Variants in ABLIM3 observed in about 807,000 individuals in gnomAD.
ABLIM3 encodes the protein actin binding LIM protein family member 3, also known as actin-binding LIM protein 3.
Under a neutral mutation model 109.5 loss-of-function variants are expected in ABLIM3, and 61 were observed. That is an observed-to-expected ratio of 0.56 (90% CI 0.45 to 0.69). The LOEUF is 0.69. Ranked by LOEUF, ABLIM3 falls within the 30% of genes least tolerant of loss-of-function variation. The pLI, the probability that ABLIM3 is intolerant of heterozygous loss-of-function variation, is 0.00. For missense variants in ABLIM3, 796 were observed against 889.5 expected, an observed-to-expected ratio of 0.89 and a Z score of 1.34; for synonymous variants, 300 against 324.8, an observed-to-expected ratio of 0.92 and a Z score of 0.82.
rs926042578 is a variant in ABLIM3 at position 149,207,407 on chromosome 5, C to T, written c.575+273C>T. Reference sequence around the variant, plus strand: ...CGGTCCCCATGCCTTCCCCTCCGGCCGTCTCTCATTTACTGCCCCGTTTTG... The same window carrying T: ...CGGTCCCCATGCCTTCCCCTCCGGCTGTCTCTCATTTACTGCCCCGTTTTG... On this transcript the variant is annotated intron_variant, in intron 6 of 23. Coordinates refer to ENST00000309868, the MANE Select transcript of ABLIM3 (RefSeq NM_014945.5). Among the ~76,000 whole-genome samples the T allele has an allele frequency of 2.6e-5, 4 of 152,278 alleles. No homozygotes were observed. The East Asian group carries it at 5.8e-4, about 22-fold the overall frequency.
At position 149,258,480 on chromosome 5, in the gene ABLIM3, C is replaced by G; in HGVS notation, c.*76C>G. ...CTCTCTACTGAAGCTCGGTATAATC[C>G]TCTCTTGTGTAATGGGACACACTGC... On this transcript the variant is annotated 3_prime_UTR_variant, in exon 24 of 24. Coordinates refer to ENST00000309868, the MANE Select transcript of ABLIM3 (RefSeq NM_014945.5). 2 of 1,495,568 alleles carry G rather than the reference C, an allele frequency of 1.3e-6. No individual in the cohort carries two copies. Among genetic ancestry groups the G allele is most frequent in the Non-Finnish European group, 1.8e-6 (2 of 1,128,844 alleles). The allele number at this position is 1,495,568 out of a possible 1,614,324, so 92.6% of individuals were successfully genotyped here. A position where few individuals can be genotyped will look rare whatever the true frequency, so the allele number is the denominator to read the frequency against.
chr5:149,239,103 C>A, intron 11 of ABLIM3, 145 bp from the exon 12 acceptor site: 1 of 757,658 alleles, frequency 1.3e-6, no homozygotes, highest in Non-Finnish European at 2.3e-6. Context: ...GAATTCCCAG[C>A]GAGGCTGTTA....
chr5:149,188,617 G>C (rs1156774386), intron 3 of ABLIM3, among the ~76,000 whole-genome samples: 2 of 152,194 alleles, frequency 1.3e-5, no homozygotes, highest in African/African-American at 4.8e-5. Flanking sequence ...AGAGAGAAAG[G>C]GAGAGAGGGA....
intron 6 of ABLIM3, among the ~76,000 whole-genome samples, chr5:149,208,394 CTT>C (rs1158609783): frequency 1.9e-3 from 123 of 63,572 alleles, no homozygotes; most frequent in Middle Eastern, 0.013. Context: ...CTCAATTTCT[CTT>C]TCTCTCTCTC....
intron 20 of ABLIM3, among the ~76,000 whole-genome samples, chr5:149,251,124 A>G (rs187636668): frequency 3.8e-4 from 58 of 152,366 alleles, no homozygotes; most frequent in African/African-American, 1.3e-3. Context: ...GAGCAATGAA[A>G]GAAAGCATGA....
rs879528284 is a variant in ABLIM3, at chr5:149,257,975, T to A, written c.1939-316T>A. ...TGGATGCAAATACATGGATCAGGCATGCAGAAAGCGGAGGGGTCAACAGGG... is the reference window on the plus strand; with the variant it reads ...TGGATGCAAATACATGGATCAGGCAAGCAGAAAGCGGAGGGGTCAACAGGG... On this transcript the variant is annotated intron_variant, in intron 23 of 23. Transcript: ENST00000309868. Among the ~76,000 whole-genome samples the A allele has an allele frequency of 2.0e-5, 3 of 152,280 alleles. No homozygotes were observed. The East Asian group carries it at 5.8e-4, about 29-fold the overall frequency.
In ABLIM3 at chr5:149,173,577, G is replaced by T. The variant is rs946040991; in HGVS notation, c.14-9875G>T. On this transcript the variant is annotated intron_variant, in intron 2 of 23. Transcript: ENST00000309868. ...GGAAGCTTCCCTGAGGTGGGATGGG[G>T]TCACAAGGGGTGGCACTCCAGGCCC... 9.6e-4 allele frequency among the ~76,000 whole-genome samples: 146 copies of T among 152,128 alleles called. 1 individual carries two copies. The highest frequency in any genetic ancestry group is 1.9e-4 in the East Asian group (1 of 5,174).
At chr5:149,239,396 G>A (rs1752562059) in intron 12 of ABLIM3, 119 bp downstream of exon 12, 1 of 1,162,892 alleles carries the variant, frequency 8.6e-7, no homozygotes, top group South Asian at 1.3e-5. Flanking sequence ...CCTGCAAGCA[G>A]GGAAGTGCTG....
At chr5:149,171,701 T>C (rs772725539) in intron 2 of ABLIM3, among the ~76,000 whole-genome samples, 9 of 152,230 alleles carry the variant, frequency 5.9e-5, no homozygotes, top group Non-Finnish European at 2.9e-5. Flanking sequence ...GAGAGTCCTG[T>C]AGTGAGGATA....
intron 18 of ABLIM3, among the ~76,000 whole-genome samples, chr5:149,248,898 A>ACT (rs1221313589): frequency 4.3e-5 from 6 of 139,748 alleles, no homozygotes; most frequent in African/African-American, 1.6e-4. Context: ...ACACACACAC[A>ACT]CTCTGTCTGC....
chr5:149,231,584 T>G (rs1416917165), intron 9 of ABLIM3, among the ~76,000 whole-genome samples: 1 of 152,240 alleles, frequency 6.6e-6, no homozygotes, highest in African/African-American at 2.4e-5. Context: ...ATCCACTTAA[T>G]GAAAGTTTTC....
intron 9 of ABLIM3, 29 bp downstream of exon 9, chr5:149,230,736 C>T (rs1362567326): frequency 1.2e-6 from 2 of 1,612,918 alleles, no homozygotes; most frequent in Non-Finnish European, 1.7e-6. Context: ...TCCAGACCAG[C>T]ACTCCTGCTT....
intron 2 of ABLIM3, among the ~76,000 whole-genome samples, chr5:149,173,731 A>G (rs1755655382): frequency 6.6e-6 from 1 of 152,248 alleles, no homozygotes. Flanking sequence ...AAAAACAAGA[A>G]GTAGGAACCG....
Position 149,198,405 on chromosome 5 carries a change from G to C in ABLIM3, c.335+3G>C, listed in dbSNP as rs766661683. On this transcript the variant is annotated splice_donor_region_variant and intron_variant, in intron 4 of 23. Transcript: ENST00000309868. The surrounding 1 kb of genome is among the most constrained non-coding windows in gnomAD (Gnocchi z 4.2). ...TGCTTCGTGTGCAGCTTGTGCAGGTGAGTGGGCGACCAGCAGGGCCTGGGA... is the reference window on the plus strand; with the variant it reads ...TGCTTCGTGTGCAGCTTGTGCAGGTCAGTGGGCGACCAGCAGGGCCTGGGA... 2.0e-5 allele frequency: 32 copies of C among 1,604,276 alleles called. No individual in the cohort carries two copies. Among genetic ancestry groups the C allele is most frequent in the Non-Finnish European group, 2.6e-5 (31 of 1,174,902 alleles).
intron 2 of ABLIM3, among the ~76,000 whole-genome samples, chr5:149,151,103 G>T (rs1374322028): frequency 6.6e-6 from 1 of 152,204 alleles, no homozygotes. Context: ...AGCTCTGGTG[G>T]CTAAAAGTCC....
At chr5:149,173,264 C>T (rs192849367) in intron 2 of ABLIM3, among the ~76,000 whole-genome samples, 108 of 152,274 alleles carry the variant, frequency 7.1e-4, no homozygotes, top group African/African-American at 2.6e-3. Context: ...TGGGTAGTCC[C>T]GTAGGACTTT....
intron 2 of ABLIM3, among the ~76,000 whole-genome samples, chr5:149,143,054 G>C (rs1561525667): frequency 6.6e-6 from 1 of 152,076 alleles, no homozygotes; most frequent in Non-Finnish European, 1.5e-5. Flanking sequence ...TGTATGATGA[G>C]AGGGGTTGAA....
intron 2 of ABLIM3, among the ~76,000 whole-genome samples, chr5:149,168,101 G>A (rs1239959454): frequency 2.0e-5 from 3 of 152,100 alleles, no homozygotes; most frequent in Admixed American, 6.5e-5. Flanking sequence ...ATGTCTTCAG[G>A]CATTGTCAAA....
intron 2 of ABLIM3, among the ~76,000 whole-genome samples, chr5:149,154,417 T>C (rs1240282485): frequency 6.6e-6 from 1 of 152,166 alleles, no homozygotes; most frequent in Non-Finnish European, 1.5e-5. Context: ...CTGTTACATG[T>C]AGGGAGAAGG....
Sources: gnomAD v4.1 joint callset for allele counts (sites outside exome capture counted in the v4.1 genomes callset) on GRCh38, gnomAD v4.1.1 for gene constraint, Gnocchi (gnomAD v3.1) non-coding constraint, MANE v1.5 for transcripts, NCBI Gene and HGNC (gene_info 2026-07-23, HGNC 2026-07-21) for gene names.